Variants in EGFR observed in about 807,000 individuals in gnomAD.
The protein encoded by EGFR is avian erythroblastic leukemia viral (v-erb-b) oncogene homolog.
In EGFR, 58 loss-of-function variants were observed where a neutral mutation model predicts 143.0. The observed-to-expected ratio is 0.41, with a 90% CI of 0.33 to 0.50. The LOEUF (loss-of-function observed/expected upper bound fraction) is 0.50. EGFR is among the 20% of genes least tolerant of loss of function. EGFR has a pLI of 0.39. For missense variants in EGFR, 1,307 were observed against 1,579.0 expected, an observed-to-expected ratio of 0.83 and a Z score of 2.92; for synonymous variants, 613 against 594.4, an observed-to-expected ratio of 1.03 and a Z score of -0.45.
chr7:55,051,203 T>C (rs1046284724), intron 1 of EGFR, among the ~76,000 whole-genome samples: 4 of 152,172 alleles, frequency 2.6e-5, no homozygotes, highest in Admixed American at 1.3e-4. Context: ...TGAAGTGACA[T>C]GTGTGGCAGG....
At chr7:55,025,790 T>C (rs974098606) in intron 1 of EGFR, among the ~76,000 whole-genome samples, 1 of 152,210 alleles carries the variant, frequency 6.6e-6, no homozygotes, top group African/African-American at 2.4e-5. Flanking sequence ...TAGGTGAGGC[T>C]GCTATAGTCA....
intron 27 of EGFR, 113 bp from the exon 28 acceptor site, chr7:55,205,143 C>T: frequency 1.3e-6 from 2 of 1,511,426 alleles, no homozygotes; most frequent in Non-Finnish European, 1.8e-6. Flanking sequence ...GAGGCTCCTG[C>T]TCCCTGTCAT....
rs982631084 is a variant in EGFR at position 55,142,138 on chromosome 7, C to T, written c.89-148C>T. ...CTCACTAAGTTAGTAAGCTTTGCGC[C>T]CAGATGACCTGGGCAGGAATGGGTG... On this transcript the variant is annotated intron_variant, in intron 1 of 27. Coordinates refer to ENST00000275493, the MANE Select transcript of EGFR (RefSeq NM_005228.5). 19 of 903,438 alleles carry T rather than the reference C, an allele frequency of 2.1e-5. No individual in the cohort carries two copies. In the African/African-American group the frequency reaches 2.8e-4, roughly 13 times the overall value. 56.0% of individuals were successfully genotyped at this position (903,438 alleles called of 1,614,324 possible).
chr7:55,152,010 T>A (rs1387804684), intron 5 of EGFR, among the ~76,000 whole-genome samples: 2 of 152,214 alleles, frequency 1.3e-5, no homozygotes, highest in Non-Finnish European at 2.9e-5. Context: ...TCTTGTTTCC[T>A]CTCCCTCCCT....
chr7:55,124,311 A>C (rs1192212744), intron 1 of EGFR, among the ~76,000 whole-genome samples: 2 of 152,194 alleles, frequency 1.3e-5, no homozygotes, highest in Non-Finnish European at 2.9e-5. Flanking sequence ...GTTTTTGGAG[A>C]GGTATTTTGG....
intron 19 of EGFR, among the ~76,000 whole-genome samples, chr7:55,176,551 C>A (rs909842866): frequency 2.6e-5 from 4 of 151,936 alleles, no homozygotes; most frequent in African/African-American, 9.7e-5. Flanking sequence ...GAGACCCAGT[C>A]TCTACAAAAA....
rs534366268 is a variant in EGFR, at chr7:55,061,600, C to T, written c.88+42235C>T. Among the ~76,000 whole-genome samples the T allele has an allele frequency of 3.4e-5, 5 of 145,566 alleles. No homozygotes were observed. In the East Asian group the frequency reaches 6.1e-4, roughly 18 times the overall value. Reference sequence around the variant, plus strand: ...GCAAAGTCTTCCCTCCCACGGATGACGGTCTCCAGGGATGTGTGTGTGTGT... The same window carrying T: ...GCAAAGTCTTCCCTCCCACGGATGATGGTCTCCAGGGATGTGTGTGTGTGT... On this transcript the variant is annotated intron_variant, in intron 1 of 27. Coordinates refer to ENST00000275493, the MANE Select transcript of EGFR (RefSeq NM_005228.5).
At position 55,039,806 on chromosome 7, in the gene EGFR, G is replaced by A. The variant is rs1787799552; in HGVS notation, c.88+20441G>A. 2.0e-5 allele frequency among the ~76,000 whole-genome samples: 3 copies of A among 152,202 alleles called. No individual in the cohort carries two copies. In the South Asian group the frequency reaches 6.2e-4, roughly 32 times the overall value. On this transcript the variant is annotated intron_variant, in intron 1 of 27. Coordinates refer to ENST00000275493, the MANE Select transcript of EGFR (RefSeq NM_005228.5). The stretch of plus-strand genomic sequence containing the variant: ...CTGAACTGTGATCCCAGACAGGCAA[G>A]CACACCAGGAATCTCTTCTCAGCTG...
At chr7:55,091,704 A>C (rs1333986282) in intron 1 of EGFR, among the ~76,000 whole-genome samples, 1 of 152,156 alleles carries the variant, frequency 6.6e-6, no homozygotes, top group Non-Finnish European at 1.5e-5. Flanking sequence ...CAGGAGTAGC[A>C]CTTAAACAAT....
At position 55,019,240 on chromosome 7, in the gene EGFR, G is replaced by T. The variant is rs746536427; in HGVS notation, c.-38G>T. 2 of 1,449,708 alleles carry T rather than the reference G, an allele frequency of 1.4e-6. No homozygotes were observed. The highest frequency in any genetic ancestry group is 2.5e-5 in the South Asian group (2 of 78,864). 89.8% of individuals were successfully genotyped at this position (1,449,708 alleles called of 1,614,324 possible). On this transcript the variant is annotated 5_prime_UTR_variant, in exon 1 of 28. Transcript: ENST00000275493. ...CGGCCCCCTGACTCCGTCCAGTATT[G>T]ATCGGGAGAGCCGGAGCGAGCTCTT...
rs1794519478 is a variant in EGFR, at chr7:55,142,561, T to C, written c.240+124T>C. The C allele has an allele frequency of 2.4e-6, 3 of 1,241,474 alleles. No homozygotes were observed. The Admixed American group carries it at 5.6e-5, about 23-fold the overall frequency. 76.9% of individuals were successfully genotyped at this position (1,241,474 alleles called of 1,614,324 possible). A position where few individuals can be genotyped will look rare whatever the true frequency, so the allele number is the denominator to read the frequency against. On this transcript the variant is annotated intron_variant, in intron 2 of 27. Coordinates refer to ENST00000275493, the MANE Select transcript of EGFR (RefSeq NM_005228.5). Reference sequence around the variant, plus strand: ...ATGGCAATGACAAGTCTTACAGAGCTACAAACGAGAGTTTTATGAGAAAGC... The same window carrying C: ...ATGGCAATGACAAGTCTTACAGAGCCACAAACGAGAGTTTTATGAGAAAGC...
At chr7:55,157,446 C>G (rs973614024) in intron 10 of EGFR, among the ~76,000 whole-genome samples, 1 of 152,232 alleles carries the variant, frequency 6.6e-6, no homozygotes, top group Non-Finnish European at 1.5e-5. Flanking sequence ...CATGCGGAAT[C>G]GCAGCGGAAG....
At position 55,019,197 on chromosome 7, in the gene EGFR, C is replaced by A. The variant is rs1445413423; in HGVS notation, c.-81C>A. 6.6e-6 allele frequency: 8 copies of A among 1,207,820 alleles called. No individual in the cohort carries two copies. Among genetic ancestry groups the A allele is most frequent in the Non-Finnish European group, 4.5e-6 (4 of 890,422 alleles). 74.8% of individuals were successfully genotyped at this position (1,207,820 alleles called of 1,614,324 possible). A position where few individuals can be genotyped will look rare whatever the true frequency, so the allele number is the denominator to read the frequency against. ...GCCCGAGTCCCCGCCTCGCCGCCAA[C>A]GCCACAACCACCGCGCACGGCCCCC... is the stretch of plus-strand genomic sequence containing the variant. On this transcript the variant is annotated 5_prime_UTR_variant, in exon 1 of 28. Coordinates refer to ENST00000275493, the MANE Select transcript of EGFR (RefSeq NM_005228.5).
intron 1 of EGFR, among the ~76,000 whole-genome samples, chr7:55,074,727 A>G (rs1369100507): frequency 6.6e-6 from 1 of 152,252 alleles, no homozygotes; most frequent in Admixed American, 6.5e-5. Context: ...GTGAAAGGAC[A>G]TTTTAAATCA....
chr7:55,127,081 G>A (rs772592901), intron 1 of EGFR, among the ~76,000 whole-genome samples: 4 of 152,174 alleles, frequency 2.6e-5, no homozygotes, highest in Non-Finnish European at 4.4e-5. Flanking sequence ...TCTGACCCAC[G>A]CACATCAATA....
intron 1 of EGFR, among the ~76,000 whole-genome samples, chr7:55,024,729 T>G (rs1188324346): frequency 6.6e-6 from 1 of 152,216 alleles, no homozygotes; most frequent in Non-Finnish European, 1.5e-5. Context: ...TTTACACTGT[T>G]GCATCCATAT....
Position 55,171,229 on chromosome 7 carries a change from T to G in EGFR, c.1919+16T>G, listed in dbSNP as rs756275667. 4 of 1,614,098 alleles carry G rather than the reference T, an allele frequency of 2.5e-6. No individual in the cohort carries two copies. In the African/African-American group the frequency reaches 5.3e-5, roughly 22 times the overall value. On this transcript the variant is annotated intron_variant, in intron 16 of 27. Coordinates refer to ENST00000275493, the MANE Select transcript of EGFR (RefSeq NM_005228.5). ...CAACGAATGGGTAAGTGTTCACAGCTCTGTGTCACATGGACCTCGTCAAGA... is the reference window on the plus strand; with the variant it reads ...CAACGAATGGGTAAGTGTTCACAGCGCTGTGTCACATGGACCTCGTCAAGA...
rs144488536 is a variant in EGFR at position 55,183,384 on chromosome 7, T to A, written c.2469+1906T>A. Among the ~76,000 whole-genome samples, 3 of 152,332 alleles carry A rather than the reference T, an allele frequency of 2.0e-5. No individual in the cohort carries two copies. In the East Asian group the frequency reaches 5.8e-4, roughly 29 times the overall value. The stretch of plus-strand genomic sequence containing the variant: ...CCATAAATATATATATTAAAAAAGA[T>A]CCCAGTCATTGCATTTAGGACCCAC... On this transcript the variant is annotated intron_variant, in intron 20 of 27. Coordinates refer to ENST00000275493, the MANE Select transcript of EGFR (RefSeq NM_005228.5).
chr7:55,151,470 A>G (rs1785149305), intron 5 of EGFR, 108 bp downstream of exon 5: 1 of 1,137,460 alleles, frequency 8.8e-7, no homozygotes, highest in South Asian at 1.3e-5. Flanking sequence ...GAGTTACTTT[A>G]TTACAGGGTC....
Sources: gnomAD v4.1 joint callset for allele counts (sites outside exome capture counted in the v4.1 genomes callset) on GRCh38, gnomAD v4.1.1 for gene constraint, MANE v1.5 for transcripts, NCBI Gene and HGNC (gene_info 2026-07-23, HGNC 2026-07-21) for gene names.